Variants in DNAJC6 observed in about 807,000 individuals in gnomAD.
DNAJC6 encodes auxilin.
In DNAJC6, 34 loss-of-function variants were observed where a neutral mutation model predicts 110.0. The ratio of observed to expected loss-of-function variants is 0.31; its 90% CI spans 0.24 to 0.41. DNAJC6 has a LOEUF of 0.41. Ranked by LOEUF, DNAJC6 falls within the 10% of genes least tolerant of loss-of-function variation. DNAJC6 has a pLI of 1.00. For synonymous variants in DNAJC6, 406 were observed against 437.2 expected, an observed-to-expected ratio of 0.93 and a Z score of 0.89; for missense variants, 1,031 against 1,207.8, an observed-to-expected ratio of 0.85 and a Z score of 2.17.
rs114698556 is a variant in DNAJC6, at chr1:65,324,044, T to C, written c.193+14106T>C. Among the ~76,000 whole-genome samples, 778 of 152,362 alleles carry C rather than the reference T, an allele frequency of 5.1e-3. 7 individuals are homozygous for C. Among genetic ancestry groups the C allele is most frequent in the African/African-American group, 0.018 (742 of 41,570 alleles). On this transcript the variant is annotated intron_variant, in intron 1 of 18. Coordinates refer to ENST00000371069, the MANE Select transcript of DNAJC6 (RefSeq NM_001256864.2). Reference sequence around the variant, plus strand: ...CTGAAGTTCAAGTGAAGTAAGGCAGTGTTGAGAATATTTTTCTTATCCTGA... The same window carrying C: ...CTGAAGTTCAAGTGAAGTAAGGCAGCGTTGAGAATATTTTTCTTATCCTGA...
Position 65,408,689 on chromosome 1 carries a change from G to T in DNAJC6, c.2540G>T (p.Gly847Val). The T allele has an allele frequency of 6.2e-7, 1 of 1,614,042 alleles. No individual in the cohort carries two copies. The highest frequency in any genetic ancestry group is 8.5e-7 in the Non-Finnish European group (1 of 1,179,956). ...ADFEDLLSGQ[G>V]FNAHKDKKGP... Reference sequence around the variant, plus strand: ...TTTGAAGACCTACTCTCTGGTCAAGGTTTCAATGCTCACAAAGACAAAAAG... The same window carrying T: ...TTTGAAGACCTACTCTCTGGTCAAGTTTTCAATGCTCACAAAGACAAAAAG... Residue 847 changes from glycine (G) to valine (V), a missense_variant, in exon 17 of 19, where the codon GGT (glycine) becomes GTT (valine). Physicochemically the swap from Gly to Val is moderately radical, Grantham distance 109 (BLOSUM62 -3). Coordinates refer to ENST00000371069, the MANE Select transcript of DNAJC6 (RefSeq NM_001256864.2).
chr1:65,302,842 T>G (rs1474195788), intron 1 of DNAJC6, among the ~76,000 whole-genome samples: 2 of 152,146 alleles, frequency 1.3e-5, no homozygotes, highest in Non-Finnish European at 2.9e-5. Flanking sequence ...GCCTGTCTCT[T>G]CCTTTCTTAT....
chr1:65,368,256 G>A, intron 4 of DNAJC6, among the ~76,000 whole-genome samples: 1 of 152,080 alleles, frequency 6.6e-6, no homozygotes, highest in African/African-American at 2.4e-5. Flanking sequence ...TCAGAGGAGT[G>A]GAGTCATTTC....
chr1:65,293,911 A>T (rs1246271263), intron 1 of DNAJC6, among the ~76,000 whole-genome samples: 2 of 152,182 alleles, frequency 1.3e-5, no homozygotes, highest in African/African-American at 4.8e-5. Context: ...TTTCCTTGAA[A>T]ACATGTTTAC....
intron 1 of DNAJC6, among the ~76,000 whole-genome samples, chr1:65,289,199 T>A (rs78518707): frequency 6.7e-6 from 1 of 149,138 alleles, no homozygotes; most frequent in African/African-American, 2.5e-5. Flanking sequence ...GTCATTTAAA[T>A]TTTTTTTTTT....
chr1:65,379,731 T>A (rs779343526), intron 5 of DNAJC6: 8 of 611,344 alleles, frequency 1.3e-5, no homozygotes, highest in Non-Finnish European at 2.1e-5. Context: ...AAGGCAGATG[T>A]ATACACAACT....
At chr1:65,391,464 T>C (rs1645924730) in intron 11 of DNAJC6, among the ~76,000 whole-genome samples, 1 of 152,196 alleles carries the variant, frequency 6.6e-6, no homozygotes, top group Non-Finnish European at 1.5e-5. Context: ...CATTTTGTGC[T>C]GAAAGTACCC....
chr1:65,398,097 A>T (rs756539578), intron 13 of DNAJC6, among the ~76,000 whole-genome samples: 3 of 152,230 alleles, frequency 2.0e-5, no homozygotes, highest in Non-Finnish European at 4.4e-5. Flanking sequence ...TACTACGCAC[A>T]TGTATTCCTC....
intron 1 of DNAJC6, among the ~76,000 whole-genome samples, chr1:65,361,218 G>A (rs1645594390): frequency 6.6e-6 from 1 of 152,182 alleles, no homozygotes; most frequent in Non-Finnish European, 1.5e-5. Flanking sequence ...CTATCATAAA[G>A]GTCTGAGCAC....
chr1:65,401,064 T>C (rs1318042091), intron 14 of DNAJC6, among the ~76,000 whole-genome samples: 1 of 152,154 alleles, frequency 6.6e-6, no homozygotes, highest in South Asian at 2.1e-4. Flanking sequence ...TCTATGATGA[T>C]TAGTGTTGTT....
intron 1 of DNAJC6, among the ~76,000 whole-genome samples, chr1:65,319,074 G>A (rs923145793): frequency 6.6e-6 from 1 of 152,180 alleles, no homozygotes; most frequent in African/African-American, 2.4e-5. Context: ...GCCTGGGGAA[G>A]CATTGCACAG....
intron 11 of DNAJC6, among the ~76,000 whole-genome samples, chr1:65,390,446 T>C (rs1645915930): frequency 1.3e-5 from 2 of 152,216 alleles, no homozygotes; most frequent in African/African-American, 4.8e-5. Context: ...ACTAGGTTCT[T>C]TTCTCTCAAA....
intron 1 of DNAJC6, among the ~76,000 whole-genome samples, chr1:65,336,748 A>G (rs541898751): frequency 6.6e-6 from 1 of 152,304 alleles, no homozygotes; most frequent in East Asian, 1.9e-4. Context: ...AACCTGCTCA[A>G]TCAGTCAATC....
intron 1 of DNAJC6, among the ~76,000 whole-genome samples, chr1:65,334,617 C>T (rs1490023079): frequency 1.3e-5 from 2 of 152,124 alleles, no homozygotes; most frequent in African/African-American, 2.4e-5. Flanking sequence ...TAACAACATG[C>T]CTCATCCCTC....
chr1:65,298,164 A>C (rs911133570), intron 1 of DNAJC6, among the ~76,000 whole-genome samples: 1 of 152,150 alleles, frequency 6.6e-6, no homozygotes, highest in African/African-American at 2.4e-5. Flanking sequence ...CTGTCTTGAT[A>C]AATTGGCTCT....
intron 1 of DNAJC6, among the ~76,000 whole-genome samples, chr1:65,319,260 T>C (rs1482215120): frequency 6.6e-6 from 1 of 152,242 alleles, no homozygotes; most frequent in Non-Finnish European, 1.5e-5. Flanking sequence ...CTGAGAATAC[T>C]GTTAGCTTGG....
chr1:65,395,943 A>G (rs1645972965), intron 13 of DNAJC6, among the ~76,000 whole-genome samples: 1 of 152,220 alleles, frequency 6.6e-6, no homozygotes, highest in African/African-American at 2.4e-5. Flanking sequence ...AAGTCTATTG[A>G]ACATTATTGG....
chr1:65,291,792 T>G (rs1644877606), intron 1 of DNAJC6, among the ~76,000 whole-genome samples: 1 of 152,254 alleles, frequency 6.6e-6, no homozygotes, highest in East Asian at 1.9e-4. Flanking sequence ...ATATGAAAAG[T>G]TTGATAGAAA....
chr1:65,384,337 C>T lies in DNAJC6; in HGVS notation c.800+11C>T. 1 of 1,537,924 alleles carries T rather than the reference C, an allele frequency of 6.5e-7. No homozygotes were observed. The highest frequency in any genetic ancestry group is 8.7e-7 in the Non-Finnish European group (1 of 1,146,648). On this transcript the variant is annotated intron_variant, in intron 6 of 18. Coordinates refer to ENST00000371069, the MANE Select transcript of DNAJC6 (RefSeq NM_001256864.2). ...ACCATCCCATAGGAGGTAAAGTAAG[C>T]TAGATGCAGGCTAGGCACAGATGTA...
Sources: allele counts gnomAD v4.1 joint callset (sites outside exome capture counted in the v4.1 genomes callset), GRCh38; gene constraint gnomAD v4.1.1; transcripts MANE v1.5; gene names NCBI Gene and HGNC (gene_info 2026-07-23, HGNC 2026-07-21).